The following ZNF521 variants were observed in gnomAD, a reference collection of about 807,000 sequenced individuals.
ZNF521 encodes the protein LYST-interacting protein 3.
Under a neutral mutation model 105.5 loss-of-function variants are expected in ZNF521, and 14 were observed. The observed-to-expected ratio is 0.13, with a 90% confidence interval of 0.09 to 0.21. The LOEUF (loss-of-function observed/expected upper bound fraction) is 0.21, where lower values mean the gene tolerates loss of function less well. Ranked by LOEUF, ZNF521 falls within the 10% of genes least tolerant of loss-of-function variation. The pLI, the probability that ZNF521 is intolerant of heterozygous loss-of-function variation, is 1.00. For missense variants in ZNF521, 1,233 were observed against 1,629.7 expected, an observed-to-expected ratio of 0.76 and a Z score of 4.19; for synonymous variants, 635 against 606.0, an observed-to-expected ratio of 1.05 and a Z score of -0.70.
chr18:25,188,814 A>G (rs1479933106), intron 5 of ZNF521, among the ~76,000 whole-genome samples: 1 of 152,124 alleles, frequency 6.6e-6, no homozygotes, highest in Non-Finnish European at 1.5e-5. Flanking sequence ...TGAGAACAAC[A>G]TTTTTCTGAG....
intron 3 of ZNF521, among the ~76,000 whole-genome samples, chr18:25,298,306 T>C (rs1215965959): frequency 6.6e-6 from 1 of 152,196 alleles, no homozygotes; most frequent in East Asian, 1.9e-4. Context: ...TTAATGAACC[T>C]TGGACCAAAT....
chr18:25,261,295 G>T (rs1031436133), intron 3 of ZNF521, among the ~76,000 whole-genome samples: 1 of 152,122 alleles, frequency 6.6e-6, no homozygotes, highest in African/African-American at 2.4e-5. Context: ...AAAACTCAGT[G>T]CTCAAACTTG....
At position 25,347,481 on chromosome 18, in the gene ZNF521, G is replaced by C. The variant is rs140263048; in HGVS notation, c.40+3426C>G. On this transcript the variant is annotated intron_variant, in intron 2 of 7. Transcript: ENST00000361524. ...TTCCAGCTTTTACAAATAGAAAAGTGAATCTTTTCGGTGTTTAACAGGTTT... is the reference window on the plus strand; with the variant it reads ...TTCCAGCTTTTACAAATAGAAAAGTCAATCTTTTCGGTGTTTAACAGGTTT... Among the ~76,000 whole-genome samples, 132 of 152,254 alleles carry C rather than the reference G, an allele frequency of 8.7e-4. 1 individual carries two copies. The highest frequency in any genetic ancestry group is 1.6e-3 in the Non-Finnish European group (111 of 68,000).
intron 3 of ZNF521, among the ~76,000 whole-genome samples, chr18:25,271,527 G>A (rs1032271581): frequency 2.0e-5 from 3 of 152,128 alleles, no homozygotes; most frequent in Non-Finnish European, 4.4e-5. Flanking sequence ...ATACTACAAG[G>A]CTACAGTAAC....
intron 2 of ZNF521, among the ~76,000 whole-genome samples, chr18:25,332,199 A>C (rs961271540): frequency 3.9e-5 from 6 of 151,996 alleles, no homozygotes; most frequent in Non-Finnish European, 7.4e-5. Flanking sequence ...AAAAGTCTAC[A>C]TTTGTAAGAA....
chr18:25,265,524 G>A (rs112148477), intron 3 of ZNF521, among the ~76,000 whole-genome samples: 439 of 152,170 alleles, frequency 2.9e-3, no homozygotes, highest in Non-Finnish European at 5.0e-3. Context: ...CCTAAGGAGC[G>A]CTCTACATAT....
intron 5 of ZNF521, among the ~76,000 whole-genome samples, chr18:25,140,226 C>T (rs772760388): frequency 1.3e-5 from 2 of 152,174 alleles, no homozygotes; most frequent in African/African-American, 2.4e-5. Flanking sequence ...CCCTTCTTAG[C>T]TTCCCTTTCT....
chr18:25,152,287 T>C (rs922059738), intron 5 of ZNF521, among the ~76,000 whole-genome samples: 4 of 152,072 alleles, frequency 2.6e-5, no homozygotes, highest in Non-Finnish European at 4.4e-5. Context: ...GAGACCAGCC[T>C]GGCCAAAATG....
intron 5 of ZNF521, among the ~76,000 whole-genome samples, chr18:25,126,241 A>G (rs1328162963): frequency 6.6e-6 from 1 of 152,146 alleles, no homozygotes; most frequent in African/African-American, 2.4e-5. Flanking sequence ...TAAATTGACC[A>G]GAAAATATCC....
At chr18:25,197,582 T>C (rs1381116907) in intron 4 of ZNF521, among the ~76,000 whole-genome samples, 1 of 151,810 alleles carries the variant, frequency 6.6e-6, no homozygotes, top group Non-Finnish European at 1.5e-5. Flanking sequence ...CTCTGAACAG[T>C]GTCAGCCTTG....
intron 7 of ZNF521, among the ~76,000 whole-genome samples, chr18:25,078,201 C>T (rs2033410750): frequency 6.6e-6 from 1 of 152,206 alleles, no homozygotes; most frequent in Non-Finnish European, 1.5e-5. Context: ...TAAAGCTGCC[C>T]TCCTGTTGCC....
chr18:25,230,982 T>G lies in ZNF521; in HGVS notation c.221-3285A>C, dbSNP rs137917942. On this transcript the variant is annotated intron_variant, in intron 3 of 7. Coordinates refer to ENST00000361524, the MANE Select transcript of ZNF521 (RefSeq NM_015461.3). ...GTGTGAACACTCCGAGATGAAAGTCTCCAACACTCCTGAGACTTTCAGTGG... is the reference window on the plus strand; with the variant it reads ...GTGTGAACACTCCGAGATGAAAGTCGCCAACACTCCTGAGACTTTCAGTGG... Among the ~76,000 whole-genome samples, 741 of 152,268 alleles carry G rather than the reference T, an allele frequency of 4.9e-3. 7 individuals carry two copies. Among genetic ancestry groups the G allele is most frequent in the Middle Eastern group, 0.014 (4 of 294 alleles).
intron 3 of ZNF521, among the ~76,000 whole-genome samples, chr18:25,314,304 G>T (rs1912483948): frequency 6.6e-6 from 1 of 152,100 alleles, no homozygotes; most frequent in Admixed American, 6.5e-5. Flanking sequence ...AGCTGTTAGA[G>T]CACTTTATTG....
intron 7 of ZNF521, among the ~76,000 whole-genome samples, chr18:25,073,768 C>T (rs529247078): frequency 6.6e-6 from 1 of 152,122 alleles, no homozygotes; most frequent in East Asian, 1.9e-4. Context: ...ATGCCACTTC[C>T]TTGTAGTGTA....
chr18:25,150,884 C>CTT (rs200357756), intron 5 of ZNF521, among the ~76,000 whole-genome samples: 1 of 137,964 alleles, frequency 7.2e-6, no homozygotes. Context: ...CTTTTTTTTT[C>CTT]TTTTTTCTTT....
At chr18:25,306,557 T>A (rs1911989683) in intron 3 of ZNF521, among the ~76,000 whole-genome samples, 1 of 152,160 alleles carries the variant, frequency 6.6e-6, no homozygotes, top group African/African-American at 2.4e-5. Context: ...CAATAAGGCA[T>A]TAAACCTTGT....
At chr18:25,250,394 A>T (rs574604199) in intron 3 of ZNF521, among the ~76,000 whole-genome samples, 2 of 152,156 alleles carry the variant, frequency 1.3e-5, no homozygotes, top group African/African-American at 4.8e-5. Context: ...TGTTTGCCAT[A>T]TTTACTGTGG....
chr18:25,224,728 G>C lies in ZNF521; in HGVS notation c.3190C>G (p.Leu1064Val). Residue 1064 changes from leucine to valine, a missense_variant, in exon 4 of 8, where the codon CTG becomes GTG. Physicochemically the swap from Leu to Val is conservative, Grantham distance 32. Coordinates refer to ENST00000361524, the MANE Select transcript of ZNF521 (RefSeq NM_015461.3). ...TTGRGQHVQK[L>V]YKCASCLKEF... is the part of the protein sequence containing the mutation. ...TTGAGGCAAGATGCGCACTTATACA[G>C]TTTTTGGACGTGCTGGCCCCGCCCT... is the stretch of plus-strand genomic sequence containing the variant. 1 of 1,614,018 alleles carries C rather than the reference G, an allele frequency of 6.2e-7. No homozygotes were observed. Among genetic ancestry groups the C allele is most frequent in the Non-Finnish European group, 8.5e-7 (1 of 1,180,004 alleles).
At chr18:25,195,058 C>A in intron 5 of ZNF521, 102 bp downstream of exon 5, 3 of 941,392 alleles carry the variant, frequency 3.2e-6, no homozygotes, top group South Asian at 1.6e-5. Context: ...CGAGGAAAAA[C>A]AATGATGGTT....
Sources: gnomAD v4.1 joint callset for allele counts (sites outside exome capture counted in the v4.1 genomes callset) on GRCh38, gnomAD v4.1.1 for gene constraint, MANE v1.5 for transcripts, NCBI Gene and HGNC (gene_info 2026-07-23, HGNC 2026-07-21) for gene names.